PDE7B: variants seen among roughly 807,000 people sequenced by gnomAD.
PDE7B encodes the protein phosphodiesterase 7B, also known as 3',5'-cyclic-AMP phosphodiesterase 7B.
Under a neutral mutation model 56.2 loss-of-function variants are expected in PDE7B, and 29 were observed. That is an observed-to-expected ratio of 0.52 (90% CI 0.38 to 0.70). The LOEUF (loss-of-function observed/expected upper bound fraction) is 0.70. Ranked by LOEUF, PDE7B falls within the 30% of genes least tolerant of loss-of-function variation. The pLI is 0.00. For missense variants in PDE7B, 490 were observed against 565.0 expected (o/e 0.87, Z 1.35); for synonymous variants, 197 against 196.9 (o/e 1.00, Z 0.00).
At chr6:136,082,818 C>A (rs929099656) in intron 2 of PDE7B, among the ~76,000 whole-genome samples, 4 of 152,054 alleles carry the variant, frequency 2.6e-5, no homozygotes, top group African/African-American at 9.7e-5. Context: ...ATACAAATTT[C>A]AAATTTAAAG....
chr6:135,877,144 C>T (rs1295332024), intron 1 of PDE7B, among the ~76,000 whole-genome samples: 1 of 152,076 alleles, frequency 6.6e-6, no homozygotes, highest in African/African-American at 2.4e-5. Context: ...TCCTTTATCT[C>T]CAGTAATCTG....
At chr6:135,929,564 GTTGT>G (rs1433096448) in intron 1 of PDE7B, among the ~76,000 whole-genome samples, 15 of 152,100 alleles carry the variant, frequency 9.9e-5, no homozygotes, top group African/African-American at 2.7e-4. Flanking sequence ...CTTCACTGGG[GTTGT>G]TTGTTTTAGT....
chr6:136,170,970 C>T (rs565949303), intron 8 of PDE7B, among the ~76,000 whole-genome samples: 1 of 152,136 alleles, frequency 6.6e-6, no homozygotes, highest in Non-Finnish European at 1.5e-5. Context: ...ACATTCAAAC[C>T]ATAGCAACTA....
At chr6:135,902,946 T>C (rs1776032172) in intron 1 of PDE7B, among the ~76,000 whole-genome samples, 1 of 152,224 alleles carries the variant, frequency 6.6e-6, no homozygotes, top group Non-Finnish European at 1.5e-5. Context: ...AGAGGTTAAA[T>C]AATTTTCACA....
intron 1 of PDE7B, among the ~76,000 whole-genome samples, chr6:135,929,248 TA>T (rs1038966958): frequency 6.6e-6 from 1 of 152,174 alleles, no homozygotes; most frequent in African/African-American, 2.4e-5. Context: ...TGTTACATCA[TA>T]TTTTTTTTTT....
intron 2 of PDE7B, among the ~76,000 whole-genome samples, chr6:136,051,692 C>A (rs148173117): frequency 0.01 from 1,555 of 152,288 alleles, 27 homozygotes; most frequent in African/African-American, 0.034. Flanking sequence ...TGAAGTTTAA[C>A]TTTTCCAGTC....
rs1472132012 is a variant in PDE7B, at chr6:136,192,045, G to T, written c.*205G>T. The T allele has an allele frequency of 5.1e-6, 3 of 582,948 alleles. No individual in the cohort carries two copies. The highest frequency in any genetic ancestry group is 9.2e-6 in the Non-Finnish European group (3 of 325,294). The allele number at this position is 582,948 out of a possible 1,614,324, so 36.1% of individuals were successfully genotyped here. A position where few individuals can be genotyped will look rare whatever the true frequency, so the allele number is the denominator to read the frequency against. ...ATTTGTCACCTCAGCATTCGCTGCC[G>T]AAATGAGCAACTCCATTCAGTAACG... On this transcript the variant is annotated 3_prime_UTR_variant, in exon 13 of 13. Coordinates refer to ENST00000308191, the MANE Select transcript of PDE7B (RefSeq NM_018945.4).
chr6:136,096,859 T>TTCTC (rs141459205), intron 2 of PDE7B, among the ~76,000 whole-genome samples: 1 of 150,170 alleles, frequency 6.7e-6, no homozygotes, highest in African/African-American at 2.4e-5. Flanking sequence ...AGGACTATGC[T>TTCTC]TCTCTCTCTC....
chr6:136,029,836 A>G (rs1246318740), intron 2 of PDE7B, among the ~76,000 whole-genome samples: 4 of 152,172 alleles, frequency 2.6e-5, no homozygotes, highest in African/African-American at 9.7e-5. Context: ...TTATGGTGCA[A>G]TAATTCTTCT....
At chr6:136,038,446 G>C in intron 2 of PDE7B, 2 of 1,290,238 alleles carry the variant, frequency 1.6e-6, no homozygotes, top group Non-Finnish European at 2.0e-6. Flanking sequence ...TGGTAAAGCT[G>C]GTTTGGAAAT....
chr6:135,999,212 T>C (rs568702571), intron 2 of PDE7B, among the ~76,000 whole-genome samples: 3 of 152,290 alleles, frequency 2.0e-5, no homozygotes, highest in East Asian at 1.9e-4. Flanking sequence ...TCAGATAACA[T>C]TGAGAAAAAT....
At chr6:135,852,154 A>C in intron 1 of PDE7B, 135 bp downstream of exon 1, 4 of 694,144 alleles carry the variant, frequency 5.8e-6, no homozygotes, top group Non-Finnish European at 1.0e-5. Flanking sequence ...TACAGCAACC[A>C]GCTTTTGAAT....
At chr6:136,023,068 T>G (rs547014635) in intron 2 of PDE7B, among the ~76,000 whole-genome samples, 1 of 152,126 alleles carries the variant, frequency 6.6e-6, no homozygotes, top group African/African-American at 2.4e-5. Flanking sequence ...TTCCCAATTA[T>G]CTATTTGTTA....
At chr6:136,068,597 A>AT (rs1443249305) in intron 2 of PDE7B, among the ~76,000 whole-genome samples, 5 of 151,760 alleles carry the variant, frequency 3.3e-5, no homozygotes, top group African/African-American at 4.8e-5. Context: ...CGCCCGGCTA[A>AT]TTTTTTTGTG....
At chr6:136,024,970 C>T (rs539626525) in intron 2 of PDE7B, among the ~76,000 whole-genome samples, 4 of 152,274 alleles carry the variant, frequency 2.6e-5, no homozygotes, top group South Asian at 2.1e-4. Flanking sequence ...TTTATTTGCA[C>T]GTTTGTGCTC....
chr6:136,110,831 T>C (rs1167078271), intron 3 of PDE7B, among the ~76,000 whole-genome samples: 2 of 152,076 alleles, frequency 1.3e-5, no homozygotes, highest in Non-Finnish European at 2.9e-5. Context: ...CAGTGTCATA[T>C]TGTTCACCAC....
intron 2 of PDE7B, among the ~76,000 whole-genome samples, chr6:135,980,405 C>A (rs1583809147): frequency 6.6e-6 from 1 of 152,032 alleles, no homozygotes; most frequent in African/African-American, 2.4e-5. Flanking sequence ...TCTAAAACAC[C>A]AAAAGCAATG....
At chr6:136,148,944 C>T (rs182473581) in intron 4 of PDE7B, 143 bp from the exon 5 acceptor site, 1 of 631,872 alleles carries the variant, frequency 1.6e-6, no homozygotes, top group East Asian at 2.8e-5. Context: ...TATTGTAGGA[C>T]ATAGGGAAAC....
chr6:136,118,601 G>A (rs1222123984), intron 3 of PDE7B, among the ~76,000 whole-genome samples: 6 of 152,156 alleles, frequency 3.9e-5, no homozygotes, highest in Non-Finnish European at 7.3e-5. Context: ...TTGTAAGCCA[G>A]AATTTAAACC....
Sources: gnomAD v4.1 joint callset for allele counts (sites outside exome capture counted in the v4.1 genomes callset) on GRCh38, gnomAD v4.1.1 for gene constraint, MANE v1.5 for transcripts, NCBI Gene and HGNC (gene_info 2026-07-23, HGNC 2026-07-21) for gene names.